USP43: variants seen among roughly 807,000 people sequenced by gnomAD.
USP43 encodes the protein ubiquitin specific peptidase 43.
Under a neutral mutation model 90.7 loss-of-function variants are expected in USP43, and 33 were observed. That is an observed-to-expected ratio of 0.36 (90% CI 0.28 to 0.49). USP43 has a LOEUF of 0.49. Among genes scored for constraint, USP43 ranks in the 20% least tolerant of loss-of-function variants. The pLI is 0.98. For synonymous variants in USP43, 598 were observed against 615.8 expected, an observed-to-expected ratio of 0.97 and a Z score of 0.43; for missense variants, 1,274 against 1,476.4, an observed-to-expected ratio of 0.86 and a Z score of 2.25.
chr17:9,667,690 T>C (rs1913131620), intron 3 of USP43, among the ~76,000 whole-genome samples: 1 of 151,820 alleles, frequency 6.6e-6, no homozygotes, highest in African/African-American at 2.4e-5. Flanking sequence ...AGCTTAAAGG[T>C]GGGAATGAGC....
chr17:9,702,746 G>C (rs188509408), intron 12 of USP43, among the ~76,000 whole-genome samples: 5 of 152,208 alleles, frequency 3.3e-5, no homozygotes, highest in South Asian at 4.1e-4. Context: ...TGTCTCCACC[G>C]TGCAGATAGT....
chr17:9,715,362 A>AG (rs1215587398), intron 14 of USP43, among the ~76,000 whole-genome samples: 42 of 152,244 alleles, frequency 2.8e-4, no homozygotes, highest in African/African-American at 9.9e-4. Context: ...CTGAGGTGGG[A>AG]GGATCTCTTG....
At position 9,728,974 on chromosome 17, in the gene USP43, C is replaced by T. The variant is rs982810786; in HGVS notation, c.3356C>T (p.Pro1119Leu). 5 of 1,571,566 alleles carry T rather than the reference C, an allele frequency of 3.2e-6. No homozygotes were observed. The highest frequency in any genetic ancestry group is 1.7e-6 in the Non-Finnish European group (2 of 1,154,866). Residue 1119 changes from proline to leucine, a missense_variant, in exon 15 of 15, where the codon CCG becomes CTG. Transcript: ENST00000285199. This position sits in a 1 kb window ranked among gnomAD's most constrained non-coding sequence, Gnocchi z 6.2. The stretch of plus-strand genomic sequence containing the variant: ...TCTTTAGGTCGAAAGAAAACCTTAC[C>T]GGAGTCCAGCTTTTGATGGAGCGTG... ...TLSLGRKKTLPESSF is the reference protein window; with the variant it reads ...TLSLGRKKTLLESSF
chr17:9,683,813 T>C (rs1429200606), intron 7 of USP43, among the ~76,000 whole-genome samples: 1 of 152,226 alleles, frequency 6.6e-6, no homozygotes, highest in Admixed American at 6.5e-5. Context: ...GTCAACTTTT[T>C]ACTCCTGCTA....
chr17:9,670,890 G>T (rs1475159286), intron 3 of USP43, among the ~76,000 whole-genome samples: 5 of 152,170 alleles, frequency 3.3e-5, no homozygotes, highest in African/African-American at 1.2e-4. Context: ...GTGTCGTCAG[G>T]GATGCCTTGA....
intron 14 of USP43, among the ~76,000 whole-genome samples, chr17:9,721,720 A>ATT (rs11340592): frequency 9.0e-4 from 107 of 119,052 alleles, no homozygotes; most frequent in African/African-American, 2.7e-3. Context: ...GTATAGCTGT[A>ATT]TTTTTTTTTT....
intron 7 of USP43, among the ~76,000 whole-genome samples, 170 bp downstream of exon 7, chr17:9,683,128 G>A (rs564532229): frequency 6.6e-6 from 1 of 152,308 alleles, no homozygotes; most frequent in South Asian, 2.1e-4. Context: ...TTAAGCATTT[G>A]GCTAACGTCA....
At chr17:9,708,878 C>T (rs1219799171) in intron 12 of USP43, among the ~76,000 whole-genome samples, 2 of 152,126 alleles carry the variant, frequency 1.3e-5, no homozygotes, top group African/African-American at 4.8e-5. Context: ...TTGCCCACCT[C>T]GGCCTCCCAA....
At chr17:9,720,337 AAAAGAAAG>A (rs1248470002) in intron 14 of USP43, among the ~76,000 whole-genome samples, 1 of 146,808 alleles carries the variant, frequency 6.8e-6, no homozygotes, top group Admixed American at 6.8e-5. Flanking sequence ...AAAAAAAAAA[AAAAGAAAG>A]AAAGAAAAGA....
chr17:9,694,037 C>G (rs765145895), intron 9 of USP43, among the ~76,000 whole-genome samples: 1 of 152,186 alleles, frequency 6.6e-6, no homozygotes, highest in Non-Finnish European at 1.5e-5. Context: ...TGATAGCCTT[C>G]TGGTGCGTGT....
At position 9,711,925 on chromosome 17, in the gene USP43, G is replaced by C. The variant is rs60865022; in HGVS notation, c.2171-43G>C. The stretch of plus-strand genomic sequence containing the variant: ...AGATGCTCCGCTAGGACTCTGAAGT[G>C]CTGGGGTTGGGCTCAGCCTCCCTCT... On this transcript the variant is annotated intron_variant, in intron 13 of 14. Coordinates refer to ENST00000285199, the MANE Select transcript of USP43 (RefSeq NM_153210.5). 443 of 1,538,222 alleles carry C rather than the reference G, an allele frequency of 2.9e-4. 5 individuals carry two copies. The African/African-American group carries it at 4.6e-3, about 16-fold the overall frequency.
chr17:9,657,665 G>C (rs1365364695), intron 2 of USP43, among the ~76,000 whole-genome samples: 1 of 150,924 alleles, frequency 6.6e-6, no homozygotes, highest in Non-Finnish European at 1.5e-5. Flanking sequence ...TGGCAGGAAA[G>C]AGAGAGAGTG....
intron 12 of USP43, among the ~76,000 whole-genome samples, chr17:9,707,231 T>C (rs1196653150): frequency 1.3e-5 from 2 of 152,204 alleles, no homozygotes; most frequent in African/African-American, 4.8e-5. Flanking sequence ...TACGCGCACA[T>C]GTGTGTTTAT....
intron 12 of USP43, among the ~76,000 whole-genome samples, chr17:9,707,516 A>G (rs1385609344): frequency 5.3e-5 from 8 of 151,838 alleles, no homozygotes; most frequent in Non-Finnish European, 8.8e-5. Flanking sequence ...GTGTGGTGGC[A>G]GGCGCCTGTA....
chr17:9,677,597 G>T (rs1007032525), intron 5 of USP43, among the ~76,000 whole-genome samples: 4 of 152,208 alleles, frequency 2.6e-5, no homozygotes, highest in African/African-American at 9.6e-5. Context: ...GGAGGCCGTG[G>T]TGGCGCCAAG....
In USP43 at chr17:9,729,107, A is replaced by T; in HGVS notation, c.*117A>T. ...CCCGTTGTCTTGTAATCTCTAAAAA[A>T]AAATTTTTTTTTTTTTGTGGTGGGG... On this transcript the variant is annotated 3_prime_UTR_variant, in exon 15 of 15. Transcript: ENST00000285199. 1 of 1,182,146 alleles carries T rather than the reference A, an allele frequency of 8.5e-7. No homozygotes were observed. The highest frequency in any genetic ancestry group is 1.1e-6 in the Non-Finnish European group (1 of 895,034). The allele number at this position is 1,182,146 out of a possible 1,614,324, so 73.2% of individuals were successfully genotyped here.
At chr17:9,704,816 G>A (rs1412177686) in intron 12 of USP43, among the ~76,000 whole-genome samples, 1 of 150,630 alleles carries the variant, frequency 6.6e-6, no homozygotes, top group Non-Finnish European at 1.5e-5. Flanking sequence ...GCGAGTGTGT[G>A]ACCTCCACTC....
chr17:9,684,894 C>G (rs763569248), intron 7 of USP43, among the ~76,000 whole-genome samples: 2 of 152,022 alleles, frequency 1.3e-5, no homozygotes, highest in Non-Finnish European at 2.9e-5. Context: ...TCATTCTGGG[C>G]CAGAGTCCGG....
rs1180802046 is a variant in USP43 at position 9,728,103 on chromosome 17, T to C, written c.2485T>C (p.Ser829Pro). ...FGSKEKPPGA[S>P]VELVEYLESR... ...ATCCAAGGAGAAACCACCAGGTGCCTCCGTCGAGTTGGTGGAGTACTTGGA... is the reference window on the plus strand; with the variant it reads ...ATCCAAGGAGAAACCACCAGGTGCCCCCGTCGAGTTGGTGGAGTACTTGGA... Residue 829 changes from serine (S) to proline (P), a missense_variant, in exon 15 of 15, where the codon TCC (serine) becomes CCC (proline). By Grantham distance (74) the Ser-to-Pro change is moderately conservative. Around this residue, in one of 6 missense-constraint regions of USP43, gnomAD observed 285 missense variants for 349.6 expected, o/e 0.82. Coordinates refer to ENST00000285199, the MANE Select transcript of USP43 (RefSeq NM_153210.5). This position sits in a 1 kb window ranked among gnomAD's most constrained non-coding sequence, Gnocchi z 6.2. The C allele has an allele frequency of 1.2e-6, 2 of 1,613,750 alleles. No individual in the cohort carries two copies. The highest frequency in any genetic ancestry group is 1.7e-6 in the Non-Finnish European group (2 of 1,179,876).
Sources: allele counts gnomAD v4.1 joint callset (sites outside exome capture counted in the v4.1 genomes callset), GRCh38; gene constraint gnomAD v4.1.1; regional missense constraint gnomAD v4.1.1; non-coding constraint Gnocchi (gnomAD v3.1); transcripts MANE v1.5; gene names NCBI Gene and HGNC (gene_info 2026-07-23, HGNC 2026-07-21).